Variants in CCNH observed in about 807,000 individuals in gnomAD.
CCNH encodes cyclin H.
In CCNH, 31 loss-of-function variants were observed where a neutral mutation model predicts 41.9. The observed-to-expected ratio is 0.74, with a 90% confidence interval of 0.56 to 1.00. The LOEUF is 1.00. CCNH is among the 50% of genes least tolerant of loss of function. CCNH has a pLI of 0.00. For missense variants in CCNH, 362 were observed against 388.4 expected (o/e 0.93, Z 0.57); for synonymous variants, 138 against 136.1 (o/e 1.01, Z -0.10).
At chr5:87,342,091 G>A (rs1345700093) in intron 9 of CCNH, among the ~76,000 whole-genome samples, 1 of 151,482 alleles carries the variant, frequency 6.6e-6, no homozygotes. Context: ...ACTGTACCCT[G>A]CTGTTTGTAT....
chr5:87,323,465 G>A (rs1456631684), intron 9 of CCNH, among the ~76,000 whole-genome samples: 1 of 152,102 alleles, frequency 6.6e-6, no homozygotes, highest in Non-Finnish European at 1.5e-5. Flanking sequence ...GGTTATTGCT[G>A]ATACCAGATG....
intron 9 of CCNH, among the ~76,000 whole-genome samples, chr5:87,367,200 A>C (rs1415725594): frequency 6.6e-6 from 1 of 152,234 alleles, no homozygotes; most frequent in African/African-American, 2.4e-5. Flanking sequence ...AGGAAATGAG[A>C]AGACATCTGT....
intron 9 of CCNH, among the ~76,000 whole-genome samples, chr5:87,344,119 T>C (rs1009393892): frequency 2.6e-5 from 4 of 152,046 alleles, no homozygotes; most frequent in African/African-American, 9.7e-5. Flanking sequence ...GGTACAAAAA[T>C]ACATCTAGAT....
downstream of CCNH, chr5:87,376,145 A>C: frequency 1.9e-6 from 1 of 533,868 alleles, no homozygotes. Flanking sequence ...CTTCTTGACT[A>C]AACTGACCTC....
chr5:87,376,682 A>G, exon 1 of CCNH: 1 of 1,341,676 alleles, frequency 7.5e-7, no homozygotes. Context: ...CAATGATGCC[A>G]GAGATTTTAA....
chr5:87,342,522 G>T (rs537226951), intron 9 of CCNH, among the ~76,000 whole-genome samples: 6 of 152,084 alleles, frequency 3.9e-5, no homozygotes, highest in Non-Finnish European at 5.9e-5. Flanking sequence ...AAGTGAAGCG[G>T]GTCAAGTATA....
In CCNH at chr5:87,408,025, A is replaced by G; in HGVS notation, c.476T>C (p.Ile159Thr). 1.9e-6 allele frequency: 3 copies of G among 1,613,898 alleles called. No individual in the cohort carries two copies. Among genetic ancestry groups the G allele is most frequent in the Non-Finnish European group, 2.5e-6 (3 of 1,179,744 alleles). Reference sequence around the variant, plus strand: ...AAATGGTCTGTAAGGATTGTGGACAATAAGGTGGAAATTAAGTTGCTGTAT... The same window carrying G: ...AAATGGTCTGTAAGGATTGTGGACAGTAAGGTGGAAATTAAGTTGCTGTAT... ...LLIQQLNFHLIVHNPYRPFEG... is the reference protein window; with the variant it reads ...LLIQQLNFHLTVHNPYRPFEG... Residue 159 changes from isoleucine (I) to threonine (T), a missense_variant, in exon 4 of 9, where the codon ATT becomes ACT. Transcript: ENST00000256897.
intron 9 of CCNH, among the ~76,000 whole-genome samples, chr5:87,329,327 G>C (rs181819617): frequency 3.3e-5 from 5 of 151,450 alleles, no homozygotes; most frequent in Admixed American, 2.0e-4. Flanking sequence ...CTGCAGTCTC[G>C]GCTACTTGGG....
chr5:87,398,209 C>T (rs1322802235), intron 7 of CCNH, among the ~76,000 whole-genome samples: 1 of 152,170 alleles, frequency 6.6e-6, no homozygotes, highest in African/African-American at 2.4e-5. Context: ...TATAATAAAA[C>T]AACCTCATAT....
chr5:87,389,266 G>C, downstream of CCNH: 2 of 1,226,074 alleles, frequency 1.6e-6, no homozygotes. Context: ...GGGAGGCGGA[G>C]GTTGCAGTGA....
chr5:87,412,105 A>T (rs939665790), intron 1 of CCNH, among the ~76,000 whole-genome samples: 2 of 152,160 alleles, frequency 1.3e-5, no homozygotes, highest in African/African-American at 4.8e-5. Context: ...CGGAAATCTG[A>T]TAAGGTTAGC....
chr5:87,323,717 CTT>C (rs796856633), intron 9 of CCNH, among the ~76,000 whole-genome samples: 2 of 143,922 alleles, frequency 1.4e-5, no homozygotes. Context: ...TAAGTCAATT[CTT>C]TTTTTTTTTG....
At chr5:87,394,692 A>T in intron 8 of CCNH, 1 of 1,346,288 alleles carries the variant, frequency 7.4e-7, no homozygotes, top group Non-Finnish European at 9.5e-7. Flanking sequence ...TATGGCTGTG[A>T]CCTTTTGCCT....
At chr5:87,391,853 T>C (rs1056372776), downstream of CCNH, 2 of 232,008 alleles carry the variant, frequency 8.6e-6, no homozygotes, top group Admixed American at 5.6e-5. Flanking sequence ...TTTACTTCTG[T>C]ATGTGTATTT....
upstream of CCNH, chr5:87,379,988 G>A (rs919097348): frequency 3.2e-6 from 3 of 925,596 alleles, no homozygotes; most frequent in Non-Finnish European, 4.9e-6. Flanking sequence ...TTTATGAGAT[G>A]AATTGTATTT....
At chr5:87,411,973 G>A (rs759234750) in intron 1 of CCNH, among the ~76,000 whole-genome samples, 17 of 152,142 alleles carry the variant, frequency 1.1e-4, no homozygotes, top group Non-Finnish European at 2.1e-4. Flanking sequence ...TGTAACAGAA[G>A]GAACTTGGCT....
intron 9 of CCNH, among the ~76,000 whole-genome samples, chr5:87,382,709 T>A (rs188235130): frequency 3.3e-5 from 5 of 152,326 alleles, no homozygotes; most frequent in Admixed American, 2.6e-4. Context: ...ATATGACAGC[T>A]GTTAGTATAA....
chr5:87,377,961 CAGT>C (rs1761438713), upstream of CCNH, among the ~76,000 whole-genome samples: 1 of 152,154 alleles, frequency 6.6e-6, no homozygotes, highest in African/African-American at 2.4e-5. Context: ...TACTGAAACT[CAGT>C]AGACATATTT....
chr5:87,357,254 T>C (rs1041482389), intron 9 of CCNH, among the ~76,000 whole-genome samples: 1 of 152,164 alleles, frequency 6.6e-6, no homozygotes, highest in East Asian at 1.9e-4. Context: ...ATATGTTTTA[T>C]ATATGTGTAT....
Sources: gnomAD v4.1 joint callset for allele counts (sites outside exome capture counted in the v4.1 genomes callset) on GRCh38, gnomAD v4.1.1 for gene constraint, MANE v1.5 for transcripts, NCBI Gene and HGNC (gene_info 2026-07-23, HGNC 2026-07-21) for gene names.